The following PPP1R12B variants were observed in gnomAD, a reference collection of about 807,000 sequenced individuals.
PPP1R12B encodes the protein myosin phosphatase target subunit 2.
A neutral mutation model predicts 126.1 loss-of-function variants in PPP1R12B; 76 were observed. The ratio of observed to expected loss-of-function variants is 0.60; its 90% CI spans 0.50 to 0.73. The LOEUF (loss-of-function observed/expected upper bound fraction) is 0.73. Among genes scored for constraint, PPP1R12B ranks in the 30% least tolerant of loss-of-function variants. The pLI, the probability that PPP1R12B is intolerant of heterozygous loss-of-function variation, is 0.00. For missense variants in PPP1R12B, 1,052 were observed against 1,205.1 expected (o/e 0.87, Z 1.88); for synonymous variants, 356 against 434.7 (o/e 0.82, Z 2.25).
chr1:202,353,881 CG>C (rs1022395320), intron 1 of PPP1R12B, among the ~76,000 whole-genome samples: 2 of 151,860 alleles, frequency 1.3e-5, no homozygotes, highest in African/African-American at 4.8e-5. Context: ...CCAAAGTGCT[CG>C]GATTACAAGT....
chr1:202,560,600 G>C (rs1430532254), intron 19 of PPP1R12B, among the ~76,000 whole-genome samples: 1 of 152,158 alleles, frequency 6.6e-6, no homozygotes, highest in Non-Finnish European at 1.5e-5. Flanking sequence ...GTTTTAGCCA[G>C]CTTCTTCACT....
intron 13 of PPP1R12B, chr1:202,462,902 A>G (rs1455336238): frequency 2.0e-6 from 2 of 985,256 alleles, no homozygotes; most frequent in African/African-American, 3.5e-5. Context: ...ACCTGGAATG[A>G]TTTGATCTGG....
chr1:202,485,359 G>C (rs1284582537), intron 13 of PPP1R12B, among the ~76,000 whole-genome samples: 1 of 147,440 alleles, frequency 6.8e-6, no homozygotes, highest in Non-Finnish European at 1.5e-5. Flanking sequence ...GCACATTCTA[G>C]TAGTAGGTTC....
At chr1:202,479,494 A>G (rs765705596) in intron 13 of PPP1R12B, among the ~76,000 whole-genome samples, 4 of 152,216 alleles carry the variant, frequency 2.6e-5, no homozygotes, top group African/African-American at 7.2e-5. Flanking sequence ...AGCAGTGGCT[A>G]TGAGCCTGAG....
Position 202,427,071 on chromosome 1 carries a change from G to A in PPP1R12B, c.733G>A (p.Val245Ile). 6.2e-7 allele frequency: 1 copy of A among 1,613,944 alleles called. No homozygotes were observed. The highest frequency in any genetic ancestry group is 1.7e-4 in the Middle Eastern group (1 of 6,054). Residue 245 changes from valine to isoleucine, a missense_variant, in exon 5 of 24, where the codon GTT (valine) becomes ATT (isoleucine). Transcript: ENST00000608999. ...AATTCAGGCTGGCTATGAACTCAAT[G>A]TTCAGGATTATGATGGCTGGACTCC... ...LLIQAGYELN[V>I]QDYDGWTPLH...
intron 1 of PPP1R12B, among the ~76,000 whole-genome samples, chr1:202,362,633 C>G (rs1424701809): frequency 3.4e-5 from 5 of 147,610 alleles, no homozygotes; most frequent in African/African-American, 1.2e-4. Context: ...CAGTTCATGA[C>G]AGAATCAGCA....
intron 18 of PPP1R12B, among the ~76,000 whole-genome samples, chr1:202,510,900 A>G (rs950713148): frequency 2.0e-5 from 3 of 146,566 alleles, no homozygotes; most frequent in African/African-American, 7.4e-5. Context: ...TTATACTAAT[A>G]TAATATATAA....
intron 1 of PPP1R12B, among the ~76,000 whole-genome samples, chr1:202,359,984 G>C (rs940975732): frequency 1.1e-4 from 16 of 152,066 alleles, no homozygotes; most frequent in Admixed American, 9.2e-4. Context: ...TGATTGATAC[G>C]TATTTTAATC....
At chr1:202,384,366 G>T (rs771742712) in intron 1 of PPP1R12B, among the ~76,000 whole-genome samples, 2 of 152,146 alleles carry the variant, frequency 1.3e-5, no homozygotes, top group African/African-American at 4.8e-5. Flanking sequence ...ATATTATTCA[G>T]CCATAAAAAG....
At chr1:202,513,047 C>T (rs906312670) in intron 18 of PPP1R12B, among the ~76,000 whole-genome samples, 3 of 152,206 alleles carry the variant, frequency 2.0e-5, no homozygotes, top group African/African-American at 7.2e-5. Flanking sequence ...AATCTCATGT[C>T]ACTGCAACCT....
rs1478252727 is a variant in PPP1R12B at position 202,493,230 on chromosome 1, G to A, written c.2058G>A (p.Gly686=). The A allele has an allele frequency of 1.9e-6, 3 of 1,612,918 alleles. No individual in the cohort carries two copies. The highest frequency in any genetic ancestry group is 3.3e-5 in the Admixed American group (2 of 59,990). Residue 686 remains glycine (G), a synonymous_variant, in exon 15 of 24, where the codon GGG becomes GGA. Transcript: ENST00000608999. The part of the protein sequence containing the change: ...EKPTDTEGLE[G]SPEKHEPSAV... ...CCACAGACACTGAAGGGCTTGAGGG[G>A]AGCCCTGAGAAGCATGAGCCCTCAG...
chr1:202,443,562 G>A (rs1377874282), intron 12 of PPP1R12B, among the ~76,000 whole-genome samples: 1 of 152,234 alleles, frequency 6.6e-6, no homozygotes, highest in Non-Finnish European at 1.5e-5. Context: ...CATTCTATAA[G>A]AAAGGGCTCA....
At chr1:202,389,082 C>A (rs1023258132) in intron 1 of PPP1R12B, among the ~76,000 whole-genome samples, 1 of 152,064 alleles carries the variant, frequency 6.6e-6, no homozygotes, top group Non-Finnish European at 1.5e-5. Flanking sequence ...AAAAATTATA[C>A]CCCCTAACTC....
At chr1:202,365,146 T>C (rs142047191) in intron 1 of PPP1R12B, among the ~76,000 whole-genome samples, 6,431 of 152,350 alleles carry the variant, frequency 0.042, 183 homozygotes, top group Middle Eastern at 0.11. Context: ...TCATGGTATG[T>C]TAAAATTACC....
intron 14 of PPP1R12B, among the ~76,000 whole-genome samples, chr1:202,490,631 A>G (rs1172906365): frequency 6.6e-6 from 1 of 152,206 alleles, no homozygotes; most frequent in Non-Finnish European, 1.5e-5. Flanking sequence ...TCCATTAAAT[A>G]ATTACTCCCC....
intron 1 of PPP1R12B, among the ~76,000 whole-genome samples, chr1:202,361,361 G>A (rs1658175633): frequency 6.6e-6 from 1 of 152,210 alleles, no homozygotes. Context: ...GCCTCGGGAA[G>A]CTTACAGTCA....
intron 1 of PPP1R12B, among the ~76,000 whole-genome samples, chr1:202,362,302 A>G (rs530083638): frequency 1.1e-3 from 171 of 152,250 alleles, no homozygotes; most frequent in Non-Finnish European, 1.9e-3. Context: ...AGCATGAAAA[A>G]TGAGGTCAAA....
rs705751 is a variant in PPP1R12B, at chr1:202,580,451, C to A, written c.2863-23C>A. ...GAGGATCCTGCCAGGCTCTAACTCA[C>A]CTTTCCCTCTGTCACCCTACAGGTG... On this transcript the variant is annotated intron_variant, in intron 23 of 23. Transcript: ENST00000608999. 4,425 of 1,600,214 alleles carry A rather than the reference C, an allele frequency of 2.8e-3. 107 individuals carry two copies. The African/African-American group carries it at 0.052, about 19-fold the overall frequency.
At chr1:202,527,085 C>A (rs568930691) in intron 18 of PPP1R12B, among the ~76,000 whole-genome samples, 4 of 148,588 alleles carry the variant, frequency 2.7e-5, no homozygotes, top group South Asian at 4.2e-4. Context: ...AAGATAAAAG[C>A]AGAAATTAAT....
Sources: allele counts gnomAD v4.1 joint callset (sites outside exome capture counted in the v4.1 genomes callset), GRCh38; gene constraint gnomAD v4.1.1; transcripts MANE v1.5; gene names NCBI Gene and HGNC (gene_info 2026-07-23, HGNC 2026-07-21).